Variants in NIPSNAP3B observed in about 807,000 individuals in gnomAD.
The protein encoded by NIPSNAP3B is protein NipSnap homolog 3B.
In NIPSNAP3B, 30 loss-of-function variants were observed where a neutral mutation model predicts 31.5. The ratio of observed to expected loss-of-function variants is 0.95; its 90% CI spans 0.71 to 1.29. The LOEUF (loss-of-function observed/expected upper bound fraction) is 1.29, where lower values mean the gene tolerates loss of function less well. Ranked by LOEUF, NIPSNAP3B falls within the 50% of genes most tolerant of loss-of-function variation. The probability of loss-of-function intolerance (pLI) is 0.00; values close to 1 mark genes in which losing one functional copy is unlikely to be tolerated. For missense variants in NIPSNAP3B, 269 were observed against 300.7 expected (o/e 0.89, Z 0.78); for synonymous variants, 106 against 107.9 (o/e 0.98, Z 0.11).
At chr9:104,786,231 T>C in the NIPSNAP3B span, 6 of 1,292,942 alleles carry the variant, frequency 4.6e-6, no homozygotes, top group Admixed American at 8.4e-5. Flanking sequence ...ACCATTTATA[T>C]ACTCACAAAA....
At chr9:104,788,471 CT>C in the NIPSNAP3B span, 1 of 1,614,192 alleles carries the variant, frequency 6.2e-7, no homozygotes, top group Non-Finnish European at 8.5e-7. Flanking sequence ...GGGCAAAGAA[CT>C]CCACGTGTTC....
downstream of NIPSNAP3B, among the ~76,000 whole-genome samples, chr9:104,780,117 T>C (rs983409884): frequency 1.3e-5 from 2 of 152,224 alleles, no homozygotes; most frequent in African/African-American, 4.8e-5. Context: ...AATAAAGTTT[T>C]TTCCTCTCCC....
the NIPSNAP3B span, chr9:104,784,588 A>G: frequency 9.3e-7 from 1 of 1,079,330 alleles, no homozygotes; most frequent in Non-Finnish European, 1.4e-6. Context: ...ATTAACTAGA[A>G]AACTGTGTGT....
At chr9:104,766,043 G>A (rs576139075) in intron 1 of NIPSNAP3B, among the ~76,000 whole-genome samples, 1 of 152,306 alleles carries the variant, frequency 6.6e-6, no homozygotes, top group African/African-American at 2.4e-5. Context: ...CGGTAAAGGA[G>A]TATCATTATG....
intron 1 of NIPSNAP3B, among the ~76,000 whole-genome samples, chr9:104,765,276 A>C (rs1828065310): frequency 6.6e-6 from 1 of 152,258 alleles, no homozygotes; most frequent in Admixed American, 6.5e-5. Context: ...TGTCAGTGAA[A>C]GATGCCTACT....
Position 104,766,370 on chromosome 9 carries a change from T to C in NIPSNAP3B, c.106T>C (p.Phe36Leu). Residue 36 changes from phenylalanine to leucine, a missense_variant, in exon 2 of 6, where the codon TTC (phenylalanine) becomes CTC (leucine). Phe to Leu is a conservative substitution (Grantham distance 22, BLOSUM62 0). Transcript: ENST00000374762. ...GGGCCCTAGACAATACGATGGAACG[T>C]TCTATGAATTTCGTACTTATTACCT... ...ATGPRQYDGT[F>L]YEFRTYYLKP... 6.2e-7 allele frequency: 1 copy of C among 1,613,788 alleles called. No homozygotes were observed. Among genetic ancestry groups the C allele is most frequent in the Non-Finnish European group, 8.5e-7 (1 of 1,179,734 alleles).
At position 104,764,237 on chromosome 9, in the gene NIPSNAP3B, C is replaced by T. The variant is rs763048521; in HGVS notation, c.-4C>T. On this transcript the variant is annotated 5_prime_UTR_variant, in exon 1 of 6. Transcript: ENST00000374762. Reference sequence around the variant, plus strand: ...GCTGCTTTTCTCAGTGCCGAAGCCGCGCCATGCTCGTTCTCAGAAGCGGCC... The same window carrying T: ...GCTGCTTTTCTCAGTGCCGAAGCCGTGCCATGCTCGTTCTCAGAAGCGGCC... 4.1e-5 allele frequency: 65 copies of T among 1,601,144 alleles called. No homozygotes were observed. Among genetic ancestry groups the T allele is most frequent in the Non-Finnish European group, 5.4e-5 (63 of 1,175,684 alleles).
chr9:104,764,476 C>A (rs1392260709), intron 1 of NIPSNAP3B, among the ~76,000 whole-genome samples, 176 bp downstream of exon 1: 2 of 152,224 alleles, frequency 1.3e-5, no homozygotes, highest in African/African-American at 4.8e-5. Flanking sequence ...GGCTACAGGC[C>A]GGGGTCGTCT....
the NIPSNAP3B span, chr9:104,784,303 G>A: frequency 6.2e-7 from 1 of 1,613,974 alleles, no homozygotes; most frequent in Non-Finnish European, 8.5e-7. Flanking sequence ...CACCCCGTAT[G>A]AACAGGATTC....
Position 104,769,015 on chromosome 9 carries a change from AAAG to A in NIPSNAP3B, c.428_430del (p.Glu143del), listed in dbSNP as rs1348497844. 5.6e-6 allele frequency: 9 copies of A among 1,612,068 alleles called. No individual in the cohort carries two copies. The highest frequency in any genetic ancestry group is 6.8e-6 in the Non-Finnish European group (8 of 1,179,218). ...ATGGTCCAAATTAGAAAAGCCTCCA[AAAG>A]AAGGTGAGTTCTTCCCTCTTAGACT... On this transcript the variant is annotated inframe_deletion, in exon 3 of 6. Coordinates refer to ENST00000374762, the MANE Select transcript of NIPSNAP3B (RefSeq NM_018376.4).
At chr9:104,766,603 G>C (rs992895586) in intron 2 of NIPSNAP3B, 68 bp downstream of exon 2, 54 of 1,448,424 alleles carry the variant, frequency 3.7e-5, no homozygotes, top group Non-Finnish European at 7.7e-6. Context: ...ATAAGACTTA[G>C]TTCTTGGATC....
Position 104,773,854 on chromosome 9 carries a change from A to T in NIPSNAP3B, c.*781A>T, listed in dbSNP as rs1018588909. 3 of 152,190 alleles carry T rather than the reference A, an allele frequency of 2.0e-5. No homozygotes were observed. Among genetic ancestry groups the T allele is most frequent in the African/African-American group, 7.2e-5 (3 of 41,444 alleles). 9.4% of individuals were successfully genotyped at this position (152,190 alleles called of 1,614,324 possible). On this transcript the variant is annotated 3_prime_UTR_variant, in exon 6 of 6. Transcript: ENST00000374762. ...AATCCTGCATATTCATTGTTTTTTT[A>T]AATTCACATTTTATACTTATATGAT...
chr9:104,771,395 T>G, intron 4 of NIPSNAP3B: 1 of 155,358 alleles, frequency 6.4e-6, no homozygotes, highest in Admixed American at 6.3e-5. Flanking sequence ...TAGACCCCAG[T>G]GTCTGTTGTT....
chr9:104,788,402 C>T, the NIPSNAP3B span: 4 of 1,614,058 alleles, frequency 2.5e-6, no homozygotes, highest in Non-Finnish European at 3.4e-6. Context: ...AGGAGACAGG[C>T]TGGCTTTCAG....
At chr9:104,779,900 G>A (rs568390513), downstream of NIPSNAP3B, among the ~76,000 whole-genome samples, 77 of 152,164 alleles carry the variant, frequency 5.1e-4, no homozygotes, top group African/African-American at 1.5e-3. Context: ...TTGTGGTGGC[G>A]CATGCCTGTA....
the NIPSNAP3B span, chr9:104,787,102 G>C: frequency 1.4e-6 from 1 of 725,464 alleles, no homozygotes; most frequent in Non-Finnish European, 2.2e-6. Flanking sequence ...GTTATTTCTT[G>C]ATGAATCAAA....
Position 104,775,079 on chromosome 9 carries a change from A to G in NIPSNAP3B, c.*2006A>G, listed in dbSNP as rs926564391. ...GCAAAGACAAACCCTCCACTTGAACACTCACTTGCTGAAGGATGTGGCTTA... is the reference window on the plus strand; with the variant it reads ...GCAAAGACAAACCCTCCACTTGAACGCTCACTTGCTGAAGGATGTGGCTTA... On this transcript the variant is annotated 3_prime_UTR_variant, in exon 6 of 6. Transcript: ENST00000374762. 2.6e-5 allele frequency among the ~76,000 whole-genome samples: 4 copies of G among 151,646 alleles called. No homozygotes were observed. Among genetic ancestry groups the G allele is most frequent in the African/African-American group, 9.7e-5 (4 of 41,240 alleles).
chr9:104,785,822 C>T, the NIPSNAP3B span, among the ~76,000 whole-genome samples: 1 of 152,200 alleles, frequency 6.6e-6, no homozygotes, highest in Admixed American at 6.5e-5. Flanking sequence ...AAGCACCATG[C>T]CATGTGCTGT....
the NIPSNAP3B span, chr9:104,784,104 C>A: frequency 1.7e-6 from 1 of 588,636 alleles, no homozygotes. Flanking sequence ...ACTTGAGAGC[C>A]ATACAAGACA....
Sources: gnomAD v4.1 joint callset for allele counts (sites outside exome capture counted in the v4.1 genomes callset) on GRCh38, gnomAD v4.1.1 for gene constraint, MANE v1.5 for transcripts, NCBI Gene and HGNC (gene_info 2026-07-23, HGNC 2026-07-21) for gene names.